Variants in ACRV1 observed in about 807,000 individuals in gnomAD.
ACRV1 encodes acrosomal vesicle protein 1, also known as acrosomal protein SP-10.
Under a neutral mutation model 29.2 loss-of-function variants are expected in ACRV1, and 17 were observed. The ratio of observed to expected loss-of-function variants is 0.58; its 90% CI spans 0.40 to 0.87. The LOEUF is 0.87. Among genes scored for constraint, ACRV1 ranks in the 40% least tolerant of loss-of-function variants. The pLI, the probability that ACRV1 is intolerant of heterozygous loss-of-function variation, is 0.00. For synonymous variants in ACRV1, 98 were observed against 111.6 expected (o/e 0.88, Z 0.77); for missense variants, 294 against 316.0 (o/e 0.93, Z 0.53).
intron 1 of ACRV1, among the ~76,000 whole-genome samples, chr11:125,678,611 G>T (rs1327578303): frequency 6.6e-6 from 1 of 152,002 alleles, no homozygotes; most frequent in African/African-American, 2.4e-5. Context: ...GAAAATGAAT[G>T]TGCCTCCCTG....
chr11:125,672,665 C>T lies in ACRV1; in HGVS notation c.726G>A (p.Met242Ile). The T allele has an allele frequency of 6.2e-7, 1 of 1,614,146 alleles. No individual in the cohort carries two copies. Among genetic ancestry groups the T allele is most frequent in the South Asian group, 1.1e-5 (1 of 91,082 alleles). The change falls in exon 4 of 4, where the codon ATG becomes ATA. Residue 242 changes from methionine (M) to isoleucine (I), a missense_variant. Met to Ile is a conservative substitution (Grantham distance 10, BLOSUM62 1). Coordinates refer to ENST00000533904, the MANE Select transcript of ACRV1 (RefSeq NM_001612.6). ...VQGCENMCPS[M>I]NLFSHGTRMQ... is the part of the protein sequence containing the mutation. The stretch of plus-strand genomic sequence containing the variant: ...TCCTCGTTCCATGGGAGAAGAGGTT[C>T]ATAGATGGGCACATGTTCTCACACC...
chr11:125,678,355 T>A, intron 1 of ACRV1, 58 bp from the exon 2 acceptor site: 1 of 1,570,150 alleles, frequency 6.4e-7, no homozygotes, highest in Non-Finnish European at 8.6e-7. Context: ...GGATAAAGAC[T>A]ATCTTCCTAT....
intron 3 of ACRV1, among the ~76,000 whole-genome samples, chr11:125,673,650 A>G (rs766206326): frequency 2.9e-4 from 44 of 152,204 alleles, no homozygotes; most frequent in Non-Finnish European, 5.6e-4. Flanking sequence ...CAATATGCTA[A>G]GGGCATCTAA....
At chr11:125,673,344 A>G (rs1172080414) in intron 3 of ACRV1, among the ~76,000 whole-genome samples, 1 of 151,862 alleles carries the variant, frequency 6.6e-6, no homozygotes, top group Non-Finnish European at 1.5e-5. Flanking sequence ...AGCTGGGATT[A>G]CAGGCGCACC....
intron 2 of ACRV1, among the ~76,000 whole-genome samples, chr11:125,676,912 A>G (rs561944417): frequency 6.6e-6 from 1 of 151,714 alleles, no homozygotes; most frequent in Admixed American, 6.6e-5. Flanking sequence ...ATGCTCTAAC[A>G]TTGCAAACCC....
At chr11:125,676,199 C>T (rs902071027) in intron 3 of ACRV1, 160 bp downstream of exon 3, 10 of 952,006 alleles carry the variant, frequency 1.1e-5, no homozygotes, top group African/African-American at 1.6e-5. Flanking sequence ...TGAGCCACCT[C>T]GCCTGGCAAG....
In ACRV1 at chr11:125,672,366, A is replaced by T. The variant is rs987665289; in HGVS notation, c.*227T>A. On this transcript the variant is annotated 3_prime_UTR_variant, in exon 4 of 4. Transcript: ENST00000533904. ...ACCATGTGAAATTTATTGAAAAAAAAATCAGGAATATTGAGAGAAAGAGTT... is the reference window on the plus strand; with the variant it reads ...ACCATGTGAAATTTATTGAAAAAAATATCAGGAATATTGAGAGAAAGAGTT... The T allele has an allele frequency of 7.9e-6, 4 of 503,276 alleles. No homozygotes were observed. The highest frequency in any genetic ancestry group is 2.0e-5 in the African/African-American group (1 of 51,256). 31.2% of individuals were successfully genotyped at this position (503,276 alleles called of 1,614,324 possible). A position where few individuals can be genotyped will look rare whatever the true frequency, so the allele number is the denominator to read the frequency against.
intron 3 of ACRV1, among the ~76,000 whole-genome samples, chr11:125,674,105 CT>C (rs1942359756): frequency 6.6e-6 from 1 of 152,002 alleles, no homozygotes; most frequent in Non-Finnish European, 1.5e-5. Flanking sequence ...GATCGCGCCA[CT>C]GCACTCAGCC....
At chr11:125,676,199 C>G in intron 3 of ACRV1, 160 bp downstream of exon 3, 1 of 952,126 alleles carries the variant, frequency 1.1e-6, no homozygotes, top group Non-Finnish European at 1.5e-6. Flanking sequence ...TGAGCCACCT[C>G]GCCTGGCAAG....
Position 125,678,068 on chromosome 11 carries a change from A to G in ACRV1, c.282T>C (p.Ala94=). The stretch of plus-strand genomic sequence containing the variant: ...GTTCAGTCGCAGCGGGCTCACCTGA[A>G]GCATGCTCACTCTCAGCATGTTCTC... ...TSGEHAESEH[A]SGEPAATEHA... Residue 94 remains alanine, a synonymous_variant, in exon 2 of 4, where the codon GCT becomes GCC. Coordinates refer to ENST00000533904, the MANE Select transcript of ACRV1 (RefSeq NM_001612.6). 6.2e-7 allele frequency: 1 copy of G among 1,614,208 alleles called. No individual in the cohort carries two copies. The highest frequency in any genetic ancestry group is 8.5e-7 in the Non-Finnish European group (1 of 1,180,044).
intron 3 of ACRV1, 22 bp downstream of exon 3, chr11:125,676,337 G>T (rs760011452): frequency 6.2e-7 from 1 of 1,613,338 alleles, no homozygotes. Context: ...GGCAGAAATT[G>T]CCTCATGAAG....
chr11:125,676,390 G>A lies in ACRV1; in HGVS notation c.642C>T (p.Ser214=), dbSNP rs1280009212. ...RGEGTCITQN[S]QQCMLKKIFE... is the part of the protein sequence containing the mutation. ...AGATCTTCTTTAACATGCACTGCTG[G>A]GAATTCTGAGTGATGCAGGTTCCCT... Residue 214 remains serine (S), a synonymous_variant, in exon 3 of 4, where the codon TCC becomes TCT. Transcript: ENST00000533904. The A allele has an allele frequency of 3.1e-6, 5 of 1,613,942 alleles. No individual in the cohort carries two copies. The Admixed American group carries it at 6.7e-5, about 22-fold the overall frequency.
chr11:125,672,830 T>A, intron 3 of ACRV1, 113 bp from the exon 4 acceptor site: 1 of 1,301,318 alleles, frequency 7.7e-7, no homozygotes, highest in Non-Finnish European at 1.0e-6. Flanking sequence ...CACTTGTCCA[T>A]TATCCCTTCT....
chr11:125,676,475 G>T lies in ACRV1; in HGVS notation c.557C>A (p.Thr186Lys). 1 of 1,614,064 alleles carries T rather than the reference G, an allele frequency of 6.2e-7. No individual in the cohort carries two copies. Among genetic ancestry groups the T allele is most frequent in the Non-Finnish European group, 8.5e-7 (1 of 1,179,974 alleles). ...GAPISSTSTG[T>K]ILNCYTCAYM... ...AGCACATGTGTAGCAATTTAATATTGTGCCTGAAAATTTAAGATAAGCCTG... is the reference window on the plus strand; with the variant it reads ...AGCACATGTGTAGCAATTTAATATTTTGCCTGAAAATTTAAGATAAGCCTG... Residue 186 changes from threonine (T) to lysine (K), a missense_variant, in exon 3 of 4, where the codon ACA becomes AAA. Transcript: ENST00000533904.
intron 1 of ACRV1, 104 bp downstream of exon 1, chr11:125,680,625 G>A: frequency 2.0e-6 from 2 of 1,021,444 alleles, no homozygotes; most frequent in Non-Finnish European, 1.5e-6. Context: ...TTCTGACTCA[G>A]ATTGGTTTGG....
chr11:125,673,599 G>A (rs79534074), intron 3 of ACRV1, among the ~76,000 whole-genome samples: 11,595 of 152,088 alleles, frequency 0.076, 520 homozygotes, highest in African/African-American at 0.12. Context: ...CTCCCAAGTT[G>A]AACTGTCACA....
In ACRV1 at chr11:125,672,633, A is replaced by G; in HGVS notation, c.758T>C (p.Ile253Thr). Residue 253 changes from isoleucine to threonine, a missense_variant, in exon 4 of 4, where the codon ATT (isoleucine) becomes ACT (threonine). By Grantham distance (89) the Ile-to-Thr change is moderately conservative. Transcript: ENST00000533904. Reference protein sequence around the residue: ...NLFSHGTRMQIICCRNQSFCN... With the variant: ...NLFSHGTRMQTICCRNQSFCN... The stretch of plus-strand genomic sequence containing the variant: ...GAAAGATTGATTTCGACAGCATATA[A>G]TTTGCATCCTCGTTCCATGGGAGAA... 3 of 1,614,148 alleles carry G rather than the reference A, an allele frequency of 1.9e-6. No individual in the cohort carries two copies. Among genetic ancestry groups the G allele is most frequent in the Non-Finnish European group, 1.7e-6 (2 of 1,180,026 alleles).
intron 1 of ACRV1, among the ~76,000 whole-genome samples, chr11:125,679,188 G>A (rs1288634451): frequency 7.0e-6 from 1 of 143,660 alleles, no homozygotes; most frequent in Non-Finnish European, 1.5e-5. Context: ...TTTCTGGCCA[G>A]TCTCTTCTAC....
At chr11:125,673,996 TA>T (rs1307897743) in intron 3 of ACRV1, among the ~76,000 whole-genome samples, 1 of 152,096 alleles carries the variant, frequency 6.6e-6, no homozygotes, top group Non-Finnish European at 1.5e-5. Context: ...CTGTCCCTGC[TA>T]AAAATACAGA....
Sources: allele counts gnomAD v4.1 joint callset (sites outside exome capture counted in the v4.1 genomes callset), GRCh38; gene constraint gnomAD v4.1.1; transcripts MANE v1.5; gene names NCBI Gene and HGNC (gene_info 2026-07-23, HGNC 2026-07-21).